Variants in PTPRB observed in about 807,000 individuals in gnomAD.
The protein encoded by PTPRB is receptor-type tyrosine-protein phosphatase beta.
PTPRB carries 97 observed loss-of-function variants against 238.1 expected under a neutral mutation model. The ratio of observed to expected loss-of-function variants is 0.41; its 90% CI spans 0.35 to 0.48. The LOEUF (loss-of-function observed/expected upper bound fraction) is 0.48, where lower values mean the gene tolerates loss of function less well. PTPRB is among the 20% of genes least tolerant of loss of function. PTPRB has a pLI of 0.30. For missense variants in PTPRB, 2,292 were observed against 2,681.9 expected, an observed-to-expected ratio of 0.85 and a Z score of 3.21; for synonymous variants, 970 against 995.4, an observed-to-expected ratio of 0.97 and a Z score of 0.48.
intron 32 of PTPRB, among the ~76,000 whole-genome samples, chr12:70,524,885 GTATATA>G (rs1491167722): frequency 1.1e-5 from 1 of 94,520 alleles, no homozygotes; most frequent in Non-Finnish European, 2.7e-5. Flanking sequence ...GTGTATATAT[GTATATA>G]TGTGTATATA....
chr12:70,548,010 C>T (rs538809986), intron 21 of PTPRB, among the ~76,000 whole-genome samples: 4 of 152,240 alleles, frequency 2.6e-5, no homozygotes, highest in Admixed American at 6.5e-5. Context: ...CTTATTTCCT[C>T]ATGGCTTAAT....
At chr12:70,635,585 A>AAAAC (rs143061370) in intron 2 of PTPRB, 86 bp downstream of exon 2, 85,351 of 1,432,424 alleles carry the variant, frequency 0.06, 6,161 homozygotes, top group African/African-American at 0.35. Flanking sequence ...CCTTAAATGT[A>AAAAC]AAACAAACAA....
Position 70,559,191 on chromosome 12 carries a change from C to T in PTPRB, c.4714+152G>A, listed in dbSNP as rs904883582. ...TCCCTTGTTGTTAATGTTGAATGAA[C>T]GAACAAATCTACAGAGACTTCTGCC... On this transcript the variant is annotated intron_variant, in intron 18 of 33. Transcript: ENST00000334414. 80 of 824,712 alleles carry T rather than the reference C, an allele frequency of 9.7e-5. No homozygotes were observed. The Admixed American group carries it at 1.2e-3, about 13-fold the overall frequency. 51.1% of individuals were successfully genotyped at this position (824,712 alleles called of 1,614,324 possible). A position where few individuals can be genotyped will look rare whatever the true frequency, so the allele number is the denominator to read the frequency against.
intron 32 of PTPRB, among the ~76,000 whole-genome samples, chr12:70,529,848 C>T (rs1872921932): frequency 6.6e-6 from 1 of 152,112 alleles, no homozygotes; most frequent in South Asian, 2.1e-4. Flanking sequence ...TGGTGATCTG[C>T]CTTCTGATGT....
intron 4 of PTPRB, 50 bp from the exon 5 acceptor site, chr12:70,596,377 G>T (rs12422730): frequency 1.6e-6 from 2 of 1,272,734 alleles, no homozygotes; most frequent in East Asian, 2.8e-5. Flanking sequence ...GAAAGAAAAA[G>T]AAAAAAAAAG....
At chr12:70,565,037 A>G (rs1029412451) in intron 15 of PTPRB, among the ~76,000 whole-genome samples, 1 of 152,064 alleles carries the variant, frequency 6.6e-6, no homozygotes, top group African/African-American at 2.4e-5. Context: ...GACTATAAAC[A>G]TAATGACCAT....
chr12:70,619,458 G>C (rs1884830722), intron 3 of PTPRB, among the ~76,000 whole-genome samples: 1 of 152,114 alleles, frequency 6.6e-6, no homozygotes, highest in Admixed American at 6.5e-5. Context: ...TACACTCCCT[G>C]AATCTAGCCT....
chr12:70,623,982 A>G (rs768478018), intron 2 of PTPRB, among the ~76,000 whole-genome samples: 5 of 152,192 alleles, frequency 3.3e-5, no homozygotes, highest in Non-Finnish European at 4.4e-5. Context: ...GTATTTTTAT[A>G]ATTTATCAAG....
chr12:70,616,500 C>T (rs2119805), intron 3 of PTPRB, among the ~76,000 whole-genome samples: 3,054 of 152,280 alleles, frequency 0.02, 100 homozygotes, highest in African/African-American at 0.068. Flanking sequence ...CACATTAGAA[C>T]CACTCTGGCA....
chr12:70,630,110 A>G (rs985678412), intron 2 of PTPRB, among the ~76,000 whole-genome samples: 1 of 152,170 alleles, frequency 6.6e-6, no homozygotes, highest in Admixed American at 6.5e-5. Context: ...GCAGAGACAC[A>G]ACAAAAAAAG....
intron 18 of PTPRB, chr12:70,559,021 G>C (rs574747268): frequency 1.1e-5 from 5 of 448,484 alleles, no homozygotes; most frequent in African/African-American, 7.8e-5. Context: ...TTTCCAAGAA[G>C]TTCTCTTGTA....
chr12:70,602,618 A>G (rs1030110716), intron 4 of PTPRB, among the ~76,000 whole-genome samples: 15 of 152,234 alleles, frequency 9.9e-5, no homozygotes, highest in African/African-American at 3.4e-4. Context: ...TTACAAGTGA[A>G]ATGAAATAAT....
At chr12:70,562,284 C>T (rs577080076) in intron 16 of PTPRB, among the ~76,000 whole-genome samples, 1 of 151,104 alleles carries the variant, frequency 6.6e-6, no homozygotes, top group Non-Finnish European at 1.5e-5. Context: ...AACTCGTCCC[C>T]CCCCAAAACA....
intron 4 of PTPRB, among the ~76,000 whole-genome samples, chr12:70,596,919 A>ATT (rs11313100): frequency 5.6e-4 from 81 of 144,252 alleles, no homozygotes; most frequent in Non-Finnish European, 9.1e-4. Context: ...ATATCCCTAG[A>ATT]TTTTTTTTTT....
At position 70,524,442 on chromosome 12, in the gene PTPRB, T is replaced by C. The variant is rs200531677; in HGVS notation, c.6625+29A>G. 7,099 of 1,568,930 alleles carry C rather than the reference T, an allele frequency of 4.5e-3. 121 individuals carry two copies. Among genetic ancestry groups the C allele is most frequent in the South Asian group, 0.041 (3,468 of 85,148 alleles). On this transcript the variant is annotated intron_variant, in intron 33 of 33. Transcript: ENST00000334414. The stretch of plus-strand genomic sequence containing the variant: ...ATTGACCATATCTTGATGAAGAAAC[T>C]TGGGGAAGTAAGTGAAGTAAGTGCC...
intron 3 of PTPRB, among the ~76,000 whole-genome samples, chr12:70,620,866 G>T (rs901980632): frequency 6.6e-6 from 1 of 152,106 alleles, no homozygotes; most frequent in African/African-American, 2.4e-5. Flanking sequence ...GTTGGAAGAG[G>T]GTGGATAAAG....
intron 23 of PTPRB, chr12:70,540,320 C>T: frequency 7.0e-6 from 2 of 284,844 alleles, no homozygotes; most frequent in African/African-American, 4.4e-5. Context: ...CAGTAAATTT[C>T]AGATGCCAGA....
intron 32 of PTPRB, 110 bp downstream of exon 32, chr12:70,531,925 C>A: frequency 7.9e-7 from 1 of 1,265,152 alleles, no homozygotes; most frequent in Non-Finnish European, 1.1e-6. Context: ...TTTTTCTCTT[C>A]CTAATGTGTC....
Position 70,559,447 on chromosome 12 carries a change from A to C in PTPRB, c.4610T>G (p.Val1537Gly). ...GGATCTCCCTGGACGAAGACCATAC[A>C]CAATGCGTCCTTCTGATTTTCTGTT... is the stretch of plus-strand genomic sequence containing the variant. ...YNNRKSEGRI[V>G]YGLRPGRSYQ... is the part of the protein sequence containing the mutation. Residue 1537 changes from valine (V) to glycine (G), a missense_variant, in exon 18 of 34, where the codon GTG becomes GGG. Val to Gly is a moderately radical substitution (Grantham distance 109, BLOSUM62 -3). Coordinates refer to ENST00000334414, the MANE Select transcript of PTPRB (RefSeq NM_001109754.4). 1 of 1,614,006 alleles carries C rather than the reference A, an allele frequency of 6.2e-7. No individual in the cohort carries two copies. Among genetic ancestry groups the C allele is most frequent in the Non-Finnish European group, 8.5e-7 (1 of 1,179,860 alleles).
Sources: allele counts gnomAD v4.1 joint callset (sites outside exome capture counted in the v4.1 genomes callset), GRCh38; gene constraint gnomAD v4.1.1; transcripts MANE v1.5; gene names NCBI Gene and HGNC (gene_info 2026-07-23, HGNC 2026-07-21).